NRG3: variants seen among roughly 807,000 people sequenced by gnomAD.
NRG3 encodes the protein pro-neuregulin-3, membrane-bound isoform.
Under a neutral mutation model 66.9 loss-of-function variants are expected in NRG3, and 31 were observed. The ratio of observed to expected loss-of-function variants is 0.46; its 90% confidence interval spans 0.35 to 0.63. The LOEUF (loss-of-function observed/expected upper bound fraction) is 0.63, where lower values mean the gene tolerates loss of function less well. NRG3 is among the 20% of genes least tolerant of loss of function. The pLI is 0.00. For synonymous variants in NRG3, 393 were observed against 359.4 expected, an observed-to-expected ratio of 1.09 and a Z score of -1.06; for missense variants, 910 against 878.9, an observed-to-expected ratio of 1.04 and a Z score of -0.45.
chr10:82,242,702 G>C (rs1031225072), intron 1 of NRG3, among the ~76,000 whole-genome samples: 2 of 152,118 alleles, frequency 1.3e-5, no homozygotes, highest in Non-Finnish European at 2.9e-5. Flanking sequence ...TAGGTGGAGA[G>C]AGAGGGTGGG....
intron 3 of NRG3, among the ~76,000 whole-genome samples, chr10:82,846,843 G>A (rs1213261969): frequency 1.3e-5 from 2 of 152,294 alleles, no homozygotes; most frequent in Admixed American, 1.3e-4. Context: ...GAACCACATA[G>A]AATATACAAA....
intron 2 of NRG3, among the ~76,000 whole-genome samples, chr10:82,711,474 C>T (rs2056661087): frequency 6.6e-6 from 1 of 151,210 alleles, no homozygotes; most frequent in Non-Finnish European, 1.5e-5. Context: ...TATATTCCTC[C>T]TATGTTTAAG....
chr10:82,569,510 T>G (rs1010141051), intron 2 of NRG3, among the ~76,000 whole-genome samples: 1 of 151,928 alleles, frequency 6.6e-6, no homozygotes, highest in Middle Eastern at 3.4e-3. Flanking sequence ...GTCCTCATTC[T>G]GATGTACCAA....
chr10:82,463,726 A>C (rs1310705635), intron 2 of NRG3, among the ~76,000 whole-genome samples: 1 of 152,094 alleles, frequency 6.6e-6, no homozygotes, highest in Admixed American at 6.5e-5. Context: ...CAGAGAACCA[A>C]CCCCTCAACT....
At chr10:81,911,603 GTTTTTTTT>G (rs796518872) in intron 1 of NRG3, among the ~76,000 whole-genome samples, 9 of 77,944 alleles carry the variant, frequency 1.2e-4, no homozygotes, top group Admixed American at 7.1e-4. Context: ...GCACAGACTT[GTTTTTTTT>G]TTTTTTTTTT....
At chr10:82,973,650 A>T in intron 6 of NRG3, 138 bp from the exon 7 acceptor site, 1 of 845,386 alleles carries the variant, frequency 1.2e-6, no homozygotes, top group Non-Finnish European at 1.9e-6. Context: ...GACACAAATT[A>T]TGTCTTATCT....
intron 2 of NRG3, among the ~76,000 whole-genome samples, chr10:82,519,578 T>G (rs1308735807): frequency 6.6e-6 from 1 of 152,214 alleles, no homozygotes; most frequent in Admixed American, 6.5e-5. Context: ...GTTTATGTCC[T>G]CAGTACCCAG....
intron 1 of NRG3, among the ~76,000 whole-genome samples, chr10:82,273,619 T>A (rs2078705686): frequency 6.6e-6 from 1 of 152,010 alleles, no homozygotes; most frequent in Non-Finnish European, 1.5e-5. Context: ...ATATATAATA[T>A]CCATTTTAAA....
intron 2 of NRG3, among the ~76,000 whole-genome samples, chr10:82,480,213 T>C (rs888687691): frequency 1.3e-5 from 2 of 152,196 alleles, no homozygotes; most frequent in Admixed American, 1.3e-4. Context: ...GGGTTGATAA[T>C]GGCAATTTAC....
chr10:82,343,792 C>G (rs913696800), intron 1 of NRG3, among the ~76,000 whole-genome samples: 1 of 151,920 alleles, frequency 6.6e-6, no homozygotes, highest in Non-Finnish European at 1.5e-5. Flanking sequence ...CCCCCCAATG[C>G]CACCCTGGAT....
At chr10:82,116,651 G>A (rs1554828099) in intron 1 of NRG3, among the ~76,000 whole-genome samples, 1 of 152,098 alleles carries the variant, frequency 6.6e-6, no homozygotes, top group Non-Finnish European at 1.5e-5. Flanking sequence ...AAATGTAATT[G>A]TCCAATCATT....
chr10:82,341,963 G>A (rs1363035750), intron 1 of NRG3, among the ~76,000 whole-genome samples: 2 of 151,996 alleles, frequency 1.3e-5, no homozygotes, highest in Non-Finnish European at 2.9e-5. Context: ...GCACCATGGT[G>A]TTTTGGTTAC....
At chr10:82,954,190 T>C (rs1483700801) in intron 5 of NRG3, among the ~76,000 whole-genome samples, 1 of 151,874 alleles carries the variant, frequency 6.6e-6, no homozygotes, top group Admixed American at 6.5e-5. Context: ...AAGAAAGAAA[T>C]TCCTTACTTA....
intron 1 of NRG3, among the ~76,000 whole-genome samples, chr10:81,906,405 A>G (rs1198083762): frequency 1.3e-5 from 2 of 152,190 alleles, no homozygotes; most frequent in East Asian, 1.9e-4. Context: ...TGTGAATACT[A>G]TTTTAAATAG....
At chr10:82,019,188 G>A (rs992940066) in intron 1 of NRG3, among the ~76,000 whole-genome samples, 1 of 152,162 alleles carries the variant, frequency 6.6e-6, no homozygotes, top group Non-Finnish European at 1.5e-5. Context: ...CATCTATTGA[G>A]ATAATCATGT....
intron 1 of NRG3, among the ~76,000 whole-genome samples, chr10:81,992,870 A>G (rs1448093464): frequency 6.6e-6 from 1 of 152,208 alleles, no homozygotes; most frequent in African/African-American, 2.4e-5. Flanking sequence ...ATCTATGGTC[A>G]ATAGTGTAGC....
chr10:82,086,628 G>C (rs922997966), intron 1 of NRG3, among the ~76,000 whole-genome samples: 1 of 152,126 alleles, frequency 6.6e-6, no homozygotes, highest in African/African-American at 2.4e-5. Context: ...TAAAGATAGA[G>C]AGGAAACAGT....
chr10:82,242,790 G>T (rs1429229003), intron 1 of NRG3, among the ~76,000 whole-genome samples: 1 of 152,066 alleles, frequency 6.6e-6, no homozygotes, highest in African/African-American at 2.4e-5. Flanking sequence ...TCTCAGGCAG[G>T]GAACCCATTC....
At chr10:82,489,302 T>G (rs1842919043) in intron 2 of NRG3, among the ~76,000 whole-genome samples, 1 of 152,148 alleles carries the variant, frequency 6.6e-6, no homozygotes, top group South Asian at 2.1e-4. Flanking sequence ...GAAGGAAAAT[T>G]CACCTAAAAA....
Sources: allele counts gnomAD v4.1 joint callset (sites outside exome capture counted in the v4.1 genomes callset), GRCh38; gene constraint gnomAD v4.1.1; transcripts MANE v1.5; gene names NCBI Gene and HGNC (gene_info 2026-07-23, HGNC 2026-07-21).